The following CRIM1 variants were observed in gnomAD, a reference collection of about 807,000 sequenced individuals.
CRIM1 encodes cysteine-rich motor neuron 1 protein.
Under a neutral mutation model 116.4 loss-of-function variants are expected in CRIM1, and 32 were observed. The observed-to-expected ratio is 0.27, with a 90% CI of 0.21 to 0.37. The LOEUF (loss-of-function observed/expected upper bound fraction) is 0.37. Among genes scored for constraint, CRIM1 ranks in the 10% least tolerant of loss-of-function variants. The pLI, the probability that CRIM1 is intolerant of heterozygous loss-of-function variation, is 1.00. For missense variants in CRIM1, 1,331 were observed against 1,354.8 expected (o/e 0.98, Z 0.28); for synonymous variants, 590 against 509.2 (o/e 1.16, Z -2.13).
At chr2:36,383,008 A>C (rs1670900376) in intron 1 of CRIM1, among the ~76,000 whole-genome samples, 1 of 152,234 alleles carries the variant, frequency 6.6e-6, no homozygotes, top group South Asian at 2.1e-4. Flanking sequence ...TAGTAATTAG[A>C]GGTATTTCCA....
At chr2:36,378,165 T>G (rs961510741) in intron 1 of CRIM1, among the ~76,000 whole-genome samples, 2 of 152,244 alleles carry the variant, frequency 1.3e-5, no homozygotes, top group African/African-American at 4.8e-5. Flanking sequence ...TGCTCTGTAA[T>G]TGAATAGCCT....
chr2:36,434,946 C>T (rs1183941843), intron 2 of CRIM1, among the ~76,000 whole-genome samples: 2 of 152,176 alleles, frequency 1.3e-5, no homozygotes, highest in Non-Finnish European at 2.9e-5. Context: ...GAGATACCTT[C>T]CTTCACTCGC....
At chr2:36,528,609 A>G (rs770681854) in intron 13 of CRIM1, among the ~76,000 whole-genome samples, 2 of 152,194 alleles carry the variant, frequency 1.3e-5, no homozygotes, top group Non-Finnish European at 2.9e-5. Flanking sequence ...TCATAGGGAG[A>G]TGTATACCTC....
intron 14 of CRIM1, among the ~76,000 whole-genome samples, chr2:36,542,914 CTT>C (rs1667049198): frequency 6.6e-6 from 1 of 152,164 alleles, no homozygotes; most frequent in South Asian, 2.1e-4. Flanking sequence ...TTTCTAAGCT[CTT>C]TGGGTAATTC....
At chr2:36,468,913 GGA>G (rs1343708516) in intron 5 of CRIM1, among the ~76,000 whole-genome samples, 2 of 152,324 alleles carry the variant, frequency 1.3e-5, no homozygotes, top group African/African-American at 4.8e-5. Context: ...TATCTTGGTT[GGA>G]AAGTCGTAGC....
rs185073050 is a variant in CRIM1 at position 36,381,711 on chromosome 2, G to A, written c.332-14903G>A. Among the ~76,000 whole-genome samples the A allele has an allele frequency of 2.5e-3, 384 of 152,240 alleles. 1 individual carries two copies. Among genetic ancestry groups the A allele is most frequent in the Middle Eastern group, 6.8e-3 (2 of 294 alleles). On this transcript the variant is annotated intron_variant, in intron 1 of 16. Transcript: ENST00000280527. ...CTGAGGCAGGAGAATTGCCTGAACC[G>A]GGGAGGCAGAGGTTGCAGTGAGCCG...
At chr2:36,477,549 C>A (rs926766545) in intron 6 of CRIM1, among the ~76,000 whole-genome samples, 2 of 152,202 alleles carry the variant, frequency 1.3e-5, no homozygotes, top group South Asian at 4.1e-4. Context: ...AGATCAGGGA[C>A]CTGCTACTGC....
At position 36,513,590 on chromosome 2, in the gene CRIM1, G is replaced by T; in HGVS notation, c.1815G>T (p.Ser605=). Residue 605 remains serine (S), a synonymous_variant, in exon 11 of 17, where the codon TCG becomes TCT. Transcript: ENST00000280527. ...CTTCAGCTGGGCCACCCATCCTGTC[G>T]GGCACTTGTCTCACCGTGGATGGTC... ...ASASAGPPIL[S]GTCLTVDGHH... is the part of the protein sequence containing the mutation. 1 of 1,614,100 alleles carries T rather than the reference G, an allele frequency of 6.2e-7. No individual in the cohort carries two copies. Among genetic ancestry groups the T allele is most frequent in the Non-Finnish European group, 8.5e-7 (1 of 1,180,004 alleles).
At chr2:36,507,657 C>T (rs1035562426) in intron 8 of CRIM1, among the ~76,000 whole-genome samples, 3 of 152,196 alleles carry the variant, frequency 2.0e-5, no homozygotes, top group South Asian at 4.1e-4. Flanking sequence ...AATGAATGTC[C>T]TGTATTTTTA....
chr2:36,494,552 A>C (rs1283157706), intron 7 of CRIM1, among the ~76,000 whole-genome samples: 1 of 152,180 alleles, frequency 6.6e-6, no homozygotes, highest in African/African-American at 2.4e-5. Flanking sequence ...CACAATCCCA[A>C]GGGTTCTTTA....
At chr2:36,525,440 A>G (rs1355193680) in intron 13 of CRIM1, among the ~76,000 whole-genome samples, 1 of 152,202 alleles carries the variant, frequency 6.6e-6, no homozygotes, top group African/African-American at 2.4e-5. Context: ...AAGCACACCC[A>G]AAGGCAGTTG....
intron 2 of CRIM1, among the ~76,000 whole-genome samples, chr2:36,429,485 G>A (rs1674708155): frequency 1.3e-5 from 2 of 152,314 alleles, no homozygotes; most frequent in South Asian, 4.1e-4. Context: ...AGAAGAGGAT[G>A]AGATTGGCGG....
At position 36,517,488 on chromosome 2, in the gene CRIM1, C is replaced by T; in HGVS notation, c.2152C>T (p.Leu718=). The change falls in exon 12 of 17, where the codon CTG becomes TTG. Residue 718 remains leucine (L), a synonymous_variant. Transcript: ENST00000280527. ...VLCETEVCPP[L]LCQNPSRTQD... ...GTGTGAGACAGAGGTGTGCCCACCG[C>T]TGCTCTGCCAGAACCCCTCACGCAC... 1 of 1,614,236 alleles carries T rather than the reference C, an allele frequency of 6.2e-7. No homozygotes were observed. The highest frequency in any genetic ancestry group is 2.2e-5 in the East Asian group (1 of 44,884).
intron 4 of CRIM1, among the ~76,000 whole-genome samples, chr2:36,445,841 G>GT (rs1412714125): frequency 2.0e-5 from 3 of 151,992 alleles, no homozygotes; most frequent in Non-Finnish European, 4.4e-5. Context: ...GAAAAACTAC[G>GT]TAACTTTATT....
intron 14 of CRIM1, among the ~76,000 whole-genome samples, chr2:36,542,319 C>T (rs570700964): frequency 7.2e-5 from 11 of 152,326 alleles, no homozygotes; most frequent in African/African-American, 2.6e-4. Context: ...TACAATTAAT[C>T]ACTGAAGAAG....
intron 4 of CRIM1, among the ~76,000 whole-genome samples, chr2:36,443,575 G>A (rs1402631546): frequency 1.3e-5 from 2 of 152,180 alleles, no homozygotes; most frequent in Non-Finnish European, 2.9e-5. Flanking sequence ...AATAGGATGA[G>A]TTAAAACTGT....
intron 12 of CRIM1, among the ~76,000 whole-genome samples, chr2:36,519,933 AAGG>A (rs1665270219): frequency 2.0e-5 from 3 of 152,218 alleles, no homozygotes; most frequent in African/African-American, 7.2e-5. Context: ...AAATAGAAAA[AAGG>A]AAACACTGAA....
At chr2:36,440,129 C>G (rs894204804) in intron 2 of CRIM1, among the ~76,000 whole-genome samples, 1 of 152,184 alleles carries the variant, frequency 6.6e-6, no homozygotes, top group South Asian at 2.1e-4. Context: ...CCTGAGTGGA[C>G]TGGAATGAGG....
intron 2 of CRIM1, among the ~76,000 whole-genome samples, chr2:36,426,212 A>G (rs1280190341): frequency 6.6e-6 from 1 of 152,180 alleles, no homozygotes; most frequent in Non-Finnish European, 1.5e-5. Flanking sequence ...AAGAAGAGCA[A>G]TTTCTGGAAA....
Sources: gnomAD v4.1 joint callset for allele counts (sites outside exome capture counted in the v4.1 genomes callset) on GRCh38, gnomAD v4.1.1 for gene constraint, MANE v1.5 for transcripts, NCBI Gene and HGNC (gene_info 2026-07-23, HGNC 2026-07-21) for gene names.